RNF144A: variants seen among roughly 807,000 people sequenced by gnomAD.
RNF144A encodes E3 ubiquitin-protein ligase RNF144A.
A neutral mutation model predicts 38.7 loss-of-function variants in RNF144A; 11 were observed. The ratio of observed to expected loss-of-function variants is 0.28; its 90% CI spans 0.18 to 0.47. The LOEUF is 0.47. RNF144A is among the 20% of genes least tolerant of loss of function. The pLI, the probability that RNF144A is intolerant of heterozygous loss-of-function variation, is 0.99. For synonymous variants in RNF144A, 149 were observed against 143.9 expected, an observed-to-expected ratio of 1.04 and a Z score of -0.25; for missense variants, 316 against 377.2, an observed-to-expected ratio of 0.84 and a Z score of 1.34.
intron 3 of RNF144A, among the ~76,000 whole-genome samples, chr2:7,013,712 G>C (rs751677148): frequency 1.3e-5 from 2 of 152,314 alleles, no homozygotes; most frequent in South Asian, 4.1e-4. Flanking sequence ...TCTAAGACTA[G>C]TAGACTTTGT....
At chr2:6,924,401 G>A (rs1443507835) in intron 1 of RNF144A, among the ~76,000 whole-genome samples, 4 of 152,234 alleles carry the variant, frequency 2.6e-5, no homozygotes, top group Admixed American at 1.3e-4. Flanking sequence ...AGAACCAAGC[G>A]CCTGAATGTG....
At chr2:6,919,595 G>A (rs1558348886) in intron 1 of RNF144A, among the ~76,000 whole-genome samples, 1 of 102,074 alleles carries the variant, frequency 9.8e-6, no homozygotes. Context: ...GCGTGGAAGG[G>A]AAGGCATGGT....
At chr2:7,068,193 G>T (rs1869298) in intron 6 of RNF144A, 295,256 of 1,209,502 alleles carry the variant, frequency 0.24, 40,223 homozygotes, top group East Asian at 0.5. Flanking sequence ...ACAAGTATCA[G>T]TGAGTAAGGT....
At chr2:7,016,122 A>AAT (rs397729182) in intron 5 of RNF144A, among the ~76,000 whole-genome samples, 12 of 144,486 alleles carry the variant, frequency 8.3e-5, no homozygotes, top group Admixed American at 1.3e-4. Context: ...AAAAAAAAAA[A>AAT]GAAAGAAAAA....
Position 6,917,820 on chromosome 2 carries a change from G to C in RNF144A, c.-212+198G>C, listed in dbSNP as rs1418686520. Among the ~76,000 whole-genome samples the C allele has an allele frequency of 6.6e-5, 10 of 150,770 alleles. No individual in the cohort carries two copies. The highest frequency in any genetic ancestry group is 6.2e-4 in the South Asian group (3 of 4,830). On this transcript the variant is annotated intron_variant, in intron 1 of 8. Coordinates refer to ENST00000320892, the MANE Select transcript of RNF144A (RefSeq NM_014746.6). This position sits in a 1 kb window ranked among gnomAD's most constrained non-coding sequence, Gnocchi z 4.8. ...GGCGGGGACTCGCGGGCTCCGTTCAGAGGACGCCCGCCCTGCCCTGCCCGT... is the reference window on the plus strand; with the variant it reads ...GGCGGGGACTCGCGGGCTCCGTTCACAGGACGCCCGCCCTGCCCTGCCCGT...
At chr2:7,035,807 A>T (rs1160825576) in intron 8 of RNF144A, among the ~76,000 whole-genome samples, 2 of 152,218 alleles carry the variant, frequency 1.3e-5, no homozygotes, top group Admixed American at 6.5e-5. Context: ...ACGGGAGCAG[A>T]GGTTTTATAT....
chr2:6,950,034 A>G (rs777128360), intron 2 of RNF144A, among the ~76,000 whole-genome samples: 5 of 152,292 alleles, frequency 3.3e-5, no homozygotes, highest in South Asian at 2.1e-4. Flanking sequence ...GGATTCTGCC[A>G]TATTACTGTT....
chr2:7,016,680 G>A (rs1455360795), intron 5 of RNF144A, among the ~76,000 whole-genome samples: 2 of 151,532 alleles, frequency 1.3e-5, no homozygotes, highest in East Asian at 3.9e-4. Context: ...ACGTTAGAAT[G>A]TCAGAGCTAA....
chr2:6,996,893 C>T (rs768772793), intron 2 of RNF144A, 23 bp from the exon 3 acceptor site: 1 of 1,606,782 alleles, frequency 6.2e-7, no homozygotes, highest in Admixed American at 1.7e-5. Flanking sequence ...GAGGTCTGAC[C>T]TTCCGTGCTT....
chr2:6,928,650 C>T (rs1665028231), intron 1 of RNF144A, among the ~76,000 whole-genome samples: 2 of 152,218 alleles, frequency 1.3e-5, no homozygotes, highest in African/African-American at 2.4e-5. Context: ...CTGGCGACTG[C>T]GCATTCCTCA....
At chr2:6,923,211 T>G (rs1247927541) in intron 1 of RNF144A, among the ~76,000 whole-genome samples, 1 of 152,232 alleles carries the variant, frequency 6.6e-6, no homozygotes, top group East Asian at 1.9e-4. Context: ...AAGTGTTCCC[T>G]CCACAGAAAT....
chr2:7,030,644 C>T (rs543188179), intron 8 of RNF144A, among the ~76,000 whole-genome samples: 1 of 152,160 alleles, frequency 6.6e-6, no homozygotes, highest in African/African-American at 2.4e-5. Context: ...TGGAAAAATT[C>T]CGAGGTCAGT....
chr2:7,016,612 A>C (rs544372348), intron 5 of RNF144A, among the ~76,000 whole-genome samples: 3 of 56,112 alleles, frequency 5.3e-5, no homozygotes, highest in South Asian at 1.3e-3. Flanking sequence ...ATTATGTTCA[A>C]AGTTTTTTTT....
intron 2 of RNF144A, among the ~76,000 whole-genome samples, chr2:6,985,266 C>A (rs1429206559): frequency 1.1e-5 from 1 of 95,042 alleles, no homozygotes; most frequent in African/African-American, 3.4e-5. Flanking sequence ...TCTCCCTCCC[C>A]CCTCTTTTTT....
intron 2 of RNF144A, among the ~76,000 whole-genome samples, chr2:6,945,704 T>G (rs1482267899): frequency 6.6e-6 from 1 of 151,322 alleles, no homozygotes; most frequent in Admixed American, 6.6e-5. Context: ...AGAATGTGGG[T>G]TTTTTTGTTG....
intron 1 of RNF144A, chr2:6,918,224 GCCCTTTCCC>G (rs1006534117): frequency 1.3e-5 from 2 of 152,530 alleles, no homozygotes; most frequent in Non-Finnish European, 2.9e-5. Context: ...CCCACCGCGA[GCCCTTTCCC>G]GGGGAATGAG....
intron 2 of RNF144A, among the ~76,000 whole-genome samples, chr2:6,942,986 A>G (rs1262861741): frequency 6.6e-6 from 1 of 152,198 alleles, no homozygotes; most frequent in African/African-American, 2.4e-5. Flanking sequence ...CTCCATCTCA[A>G]TTTGAAAAAG....
At position 6,996,166 on chromosome 2, in the gene RNF144A, A is replaced by G. The variant is rs1669723212; in HGVS notation, c.-11-750A>G. 2.6e-5 allele frequency among the ~76,000 whole-genome samples: 4 copies of G among 152,226 alleles called. No individual in the cohort carries two copies. In the South Asian group the frequency reaches 8.3e-4, roughly 32 times the overall value. ...TCTACCTTCTTTCCAGCTGCCCTGAAAACTCAAGCCTCACCACCCCCACCA... is the reference window on the plus strand; with the variant it reads ...TCTACCTTCTTTCCAGCTGCCCTGAGAACTCAAGCCTCACCACCCCCACCA... On this transcript the variant is annotated intron_variant, in intron 2 of 8. Coordinates refer to ENST00000320892, the MANE Select transcript of RNF144A (RefSeq NM_014746.6).
At chr2:7,006,894 A>C (rs1670477352) in intron 3 of RNF144A, among the ~76,000 whole-genome samples, 1 of 152,106 alleles carries the variant, frequency 6.6e-6, no homozygotes, top group African/African-American at 2.4e-5. Flanking sequence ...CTGCACTAGA[A>C]ATTTGATGTC....
Sources: gnomAD v4.1 joint callset for allele counts (sites outside exome capture counted in the v4.1 genomes callset) on GRCh38, gnomAD v4.1.1 for gene constraint, Gnocchi (gnomAD v3.1) non-coding constraint, MANE v1.5 for transcripts, NCBI Gene and HGNC (gene_info 2026-07-23, HGNC 2026-07-21) for gene names.